The following IGSF10 variants were observed in gnomAD, a reference collection of about 807,000 sequenced individuals.
IGSF10 encodes calvaria mechanical force protein 608.
Under a neutral mutation model 128.2 loss-of-function variants are expected in IGSF10, and 126 were observed. That is an observed-to-expected ratio of 0.98 (90% CI 0.85 to 1.14). IGSF10 has a LOEUF of 1.14. Ranked by LOEUF, IGSF10 falls within the 50% of genes most tolerant of loss-of-function variation. IGSF10 has a pLI of 0.00. For synonymous variants in IGSF10, 1,185 were observed against 1,146.2 expected, an observed-to-expected ratio of 1.03 and a Z score of -0.68; for missense variants, 3,295 against 3,149.8, an observed-to-expected ratio of 1.05 and a Z score of -1.10.
chr3:151,472,656 T>C, the IGSF10 span, among the ~76,000 whole-genome samples: 1 of 152,178 alleles, frequency 6.6e-6, no homozygotes, highest in South Asian at 2.1e-4. Context: ...TATGAAATAG[T>C]CACTGGAAGG....
At chr3:151,605,738 T>A in the IGSF10 span, among the ~76,000 whole-genome samples, 1 of 152,214 alleles carries the variant, frequency 6.6e-6, no homozygotes, top group African/African-American at 2.4e-5. Context: ...GCTAGGTTTT[T>A]CCATAGTCTA....
the IGSF10 span, among the ~76,000 whole-genome samples, chr3:151,477,724 C>T: frequency 0.48 from 73,291 of 151,968 alleles, 18,147 homozygotes; most frequent in African/African-American, 0.59. Context: ...AGAATAACCA[C>T]TGAAACAATG....
chr3:151,446,789 C>T lies in IGSF10; in HGVS notation c.3192G>A (p.Leu1064=). 5 of 1,614,112 alleles carry T rather than the reference C, an allele frequency of 3.1e-6. No individual in the cohort carries two copies. Among genetic ancestry groups the T allele is most frequent in the Non-Finnish European group, 4.2e-6 (5 of 1,180,000 alleles). The change falls in exon 6 of 8, where the codon CTG becomes CTA. Residue 1064 remains leucine, a synonymous_variant. Transcript: ENST00000282466. Reference sequence around the variant, plus strand: ...TGAGCCTCTCCCTGGGAAGACAGGACAGACATGTCACATTGAGCACTGTGG... The same window carrying T: ...TGAGCCTCTCCCTGGGAAGACAGGATAGACATGTCACATTGAGCACTGTGG... ...FSATVLNVTC[L]SCLPRERLTT...
Position 151,446,502 on chromosome 3 carries a change from G to GCGTTTACTTTGTGAGTTTTTTC in IGSF10, c.3457_3478dup (p.Ala1160GlyfsTer15). On this transcript the variant is annotated frameshift_variant, in exon 6 of 8. Coordinates refer to ENST00000282466, the MANE Select transcript of IGSF10 (RefSeq NM_178822.5). LOFTEE classifies it high-confidence loss of function. ...GGTGCTAGACACACGTGGGTAACTG[G>GCGTTTACTTTGTGAGTTTTTTC]CGTTTACTTTGTGAGTTTTTTCCAT... 1 of 1,614,168 alleles carries GCGTTTACTTTGTGAGTTTTTTC rather than the reference G, an allele frequency of 6.2e-7. No homozygotes were observed. The highest frequency in any genetic ancestry group is 1.1e-5 in the South Asian group (1 of 91,082).
At chr3:151,439,712 T>G (rs958520994) in intron 7 of IGSF10, among the ~76,000 whole-genome samples, 2 of 152,252 alleles carry the variant, frequency 1.3e-5, no homozygotes, top group Non-Finnish European at 2.9e-5. Flanking sequence ...AGTGACTAGT[T>G]TTTGCACTAG....
the IGSF10 span, among the ~76,000 whole-genome samples, chr3:151,564,694 G>A: frequency 1.3e-5 from 2 of 152,094 alleles, no homozygotes; most frequent in African/African-American, 4.8e-5. Context: ...GCAGTTGAAT[G>A]AGGTATGCAT....
chr3:151,509,916 G>A, the IGSF10 span, among the ~76,000 whole-genome samples: 1 of 152,186 alleles, frequency 6.6e-6, no homozygotes, highest in African/African-American at 2.4e-5. Flanking sequence ...AAGGTGGCAG[G>A]GAGGCTGGGG....
the IGSF10 span, among the ~76,000 whole-genome samples, chr3:151,514,298 C>A: frequency 6.6e-6 from 1 of 152,022 alleles, no homozygotes; most frequent in Non-Finnish European, 1.5e-5. Flanking sequence ...CAGAACAGAG[C>A]CCTCAGAAAT....
chr3:151,592,999 T>C, the IGSF10 span, among the ~76,000 whole-genome samples: 1 of 152,232 alleles, frequency 6.6e-6, no homozygotes, highest in African/African-American at 2.4e-5. Context: ...AAATCTTGTT[T>C]ATAATCAGTA....
the IGSF10 span, among the ~76,000 whole-genome samples, chr3:151,497,204 C>T: frequency 3.3e-5 from 5 of 152,140 alleles, 1 homozygote; most frequent in South Asian, 6.2e-4. Flanking sequence ...TCAATTTTGG[C>T]TTTTGTTGCC....
the IGSF10 span, among the ~76,000 whole-genome samples, chr3:151,611,678 C>T: frequency 6.6e-6 from 1 of 152,292 alleles, no homozygotes; most frequent in Admixed American, 6.5e-5. Flanking sequence ...ATTATTAAGA[C>T]CTCCTGACAT....
In IGSF10 at chr3:151,448,160, C is replaced by G. The variant is rs1214345662; in HGVS notation, c.1821G>C (p.Trp607Cys). The change falls in exon 6 of 8, where the codon TGG becomes TGC. Residue 607 changes from tryptophan (W) to cysteine (C), a missense_variant. Trp to Cys is a radical substitution (Grantham distance 215). Coordinates refer to ENST00000282466, the MANE Select transcript of IGSF10 (RefSeq NM_178822.5). ...AGAGCACATTGTTTCCTGGAATAAC[C>G]CAGCTAATAGAGGCATCTGGGATAC... The part of the protein sequence containing the change: ...STGIPDASIS[W>C]VIPGNNVLYQ... 2 of 1,614,012 alleles carry G rather than the reference C, an allele frequency of 1.2e-6. No individual in the cohort carries two copies. Among genetic ancestry groups the G allele is most frequent in the African/African-American group, 1.3e-5 (1 of 74,890 alleles).
chr3:151,483,854 T>C, the IGSF10 span, among the ~76,000 whole-genome samples: 1 of 152,186 alleles, frequency 6.6e-6, no homozygotes, highest in Admixed American at 6.5e-5. Flanking sequence ...GCCCTGGGTT[T>C]CCAGCACAAA....
Position 151,447,992 on chromosome 3 carries a change from C to T in IGSF10, c.1989G>A (p.Lys663=). ...GCTCCAAGGGCCTTTGTCCTTTCATCTTGACTGAAACTTGGAAAATCAAAA... is the reference window on the plus strand; with the variant it reads ...GCTCCAAGGGCCTTTGTCCTTTCATTTTGACTGAAACTTGGAAAATCAAAA... ...VDFLIFQVSV[K]MKGQRPLEHD... The change falls in exon 6 of 8, where the codon AAG becomes AAA. Residue 663 remains lysine, a synonymous_variant. Transcript: ENST00000282466. 1 of 1,614,176 alleles carries T rather than the reference C, an allele frequency of 6.2e-7. No homozygotes were observed. The highest frequency in any genetic ancestry group is 1.3e-5 in the African/African-American group (1 of 75,038).
the IGSF10 span, among the ~76,000 whole-genome samples, chr3:151,522,187 A>G: frequency 0.52 from 78,854 of 151,794 alleles, 21,172 homozygotes; most frequent in East Asian, 0.74. Flanking sequence ...GAGATCAAAA[A>G]TCGAATCACT....
the IGSF10 span, among the ~76,000 whole-genome samples, chr3:151,494,962 T>A: frequency 6.6e-6 from 1 of 152,092 alleles, no homozygotes; most frequent in Non-Finnish European, 1.5e-5. Context: ...ATATTGGGCT[T>A]TTTGAAAAGC....
chr3:151,470,828 C>T, the IGSF10 span, among the ~76,000 whole-genome samples: 13 of 152,194 alleles, frequency 8.5e-5, no homozygotes, highest in African/African-American at 2.7e-4. Context: ...AAATCCCACA[C>T]GCTGTGTAAA....
chr3:151,529,795 C>T, the IGSF10 span, among the ~76,000 whole-genome samples: 1 of 152,044 alleles, frequency 6.6e-6, no homozygotes, highest in South Asian at 2.1e-4. Context: ...ACTAGAACAC[C>T]TCTTCTCCTT....
downstream of IGSF10, chr3:151,432,999 T>C: frequency 3.7e-6 from 2 of 540,548 alleles, no homozygotes; most frequent in Non-Finnish European, 6.5e-6. Flanking sequence ...TTTGATTTTG[T>C]TGAATTCACC....
Sources: gnomAD v4.1 joint callset for allele counts (sites outside exome capture counted in the v4.1 genomes callset) on GRCh38, gnomAD v4.1.1 for gene constraint, MANE v1.5 for transcripts, NCBI Gene and HGNC (gene_info 2026-07-23, HGNC 2026-07-21) for gene names.